The following TACC2 variants were observed in gnomAD, a reference collection of about 807,000 sequenced individuals.
The protein encoded by TACC2 is transforming acidic coiled-coil-containing protein 2.
Under a neutral mutation model 227.3 loss-of-function variants are expected in TACC2, and 137 were observed. That is an observed-to-expected ratio of 0.60 (90% CI 0.52 to 0.69). TACC2 has a LOEUF of 0.69. TACC2 is among the 30% of genes least tolerant of loss of function. TACC2 has a pLI of 0.00. For synonymous variants in TACC2, 1,523 were observed against 1,487.5 expected (o/e 1.02, Z -0.55); for missense variants, 3,470 against 3,694.4 (o/e 0.94, Z 1.57).
chr10:122,206,607 C>A (rs1362498629), intron 8 of TACC2, among the ~76,000 whole-genome samples: 1 of 152,340 alleles, frequency 6.6e-6, no homozygotes, highest in East Asian at 1.9e-4. Context: ...AAATAAATTT[C>A]TGTGGTTTAA....
At chr10:122,176,723 T>G (rs538688948) in intron 7 of TACC2, among the ~76,000 whole-genome samples, 22 of 152,332 alleles carry the variant, frequency 1.4e-4, no homozygotes, top group Non-Finnish European at 2.6e-4. Context: ...GATGGAAAAC[T>G]GGCTTCCTCC....
chr10:122,132,066 A>AAG (rs1555059146), intron 5 of TACC2, among the ~76,000 whole-genome samples: 15,517 of 58,054 alleles, frequency 0.27, 1,213 homozygotes, highest in Middle Eastern at 0.36. Context: ...GAAAGAAAGA[A>AAG]AAAGAAAGAA....
At chr10:122,126,195 A>G (rs1362918048) in intron 5 of TACC2, among the ~76,000 whole-genome samples, 3 of 152,320 alleles carry the variant, frequency 2.0e-5, no homozygotes, top group Admixed American at 1.3e-4. Flanking sequence ...TACATGGACT[A>G]ACTAGCTGGC....
At position 122,085,376 on chromosome 10, in the gene TACC2, C is replaced by T. The variant is rs1275823352; in HGVS notation, c.2876C>T (p.Ser959Leu). The T allele has an allele frequency of 4.3e-6, 7 of 1,613,962 alleles. No individual in the cohort carries two copies. The highest frequency in any genetic ancestry group is 5.9e-6 in the Non-Finnish European group (7 of 1,180,028). The change falls in exon 4 of 23, where the codon TCG (serine) becomes TTG (leucine). Residue 959 changes from serine (S) to leucine (L), a missense_variant. By Grantham distance (145) the Ser-to-Leu change is moderately radical. Transcript: ENST00000369005. Reference sequence around the variant, plus strand: ...GGAGCATGCGGTGATGGTCAGTCCTCGAGGGTCTCGCCTCCAGCAGCAGAT... The same window carrying T: ...GGAGCATGCGGTGATGGTCAGTCCTTGAGGGTCTCGCCTCCAGCAGCAGAT... ...PEGACGDGQSSRVSPPAADVL... is the reference protein window; with the variant it reads ...PEGACGDGQSLRVSPPAADVL...
intron 6 of TACC2, among the ~76,000 whole-genome samples, chr10:122,135,740 C>T (rs1343899412): frequency 2.0e-5 from 3 of 152,236 alleles, no homozygotes; most frequent in Non-Finnish European, 4.4e-5. Flanking sequence ...GTGGTCCTTT[C>T]TCAGTCATTT....
At chr10:122,066,226 G>GC (rs1383934753) in intron 3 of TACC2, among the ~76,000 whole-genome samples, 1 of 150,742 alleles carries the variant, frequency 6.6e-6, no homozygotes, top group African/African-American at 2.4e-5. Context: ...TCCTGCCTCA[G>GC]CCCCCCAAGT....
intron 3 of TACC2, among the ~76,000 whole-genome samples, chr10:122,077,427 C>G (rs758982000): frequency 6.6e-6 from 1 of 152,138 alleles, no homozygotes; most frequent in African/African-American, 2.4e-5. Context: ...GTGAAAGAAA[C>G]TGATCTGGGA....
Position 122,082,768 on chromosome 10 carries a change from C to A in TACC2, c.268C>A (p.Pro90Thr). Residue 90 changes from proline to threonine, a missense_variant, in exon 4 of 23, where the codon CCA (proline) becomes ACA (threonine). This residue lies in a region of TACC2 where 405 missense variants were observed against 389.6 expected (regional missense o/e 1.04). Transcript: ENST00000369005. ...GAAGGACCCACAGGGAGCCAGGGGG[C>A]CAGAAGGTTCTTTGCTGCCCAGCCC... ...PRKDPQGARG[P>T]EGSLLPSPPP... The A allele has an allele frequency of 6.2e-7, 1 of 1,613,898 alleles. No individual in the cohort carries two copies. Among genetic ancestry groups the A allele is most frequent in the East Asian group, 2.2e-5 (1 of 44,856 alleles).
intron 7 of TACC2, among the ~76,000 whole-genome samples, chr10:122,170,376 T>C (rs2093412455): frequency 6.7e-6 from 1 of 148,834 alleles, no homozygotes; most frequent in Admixed American, 6.8e-5. Context: ...GTTCAAGCGA[T>C]TCTCCTGCCT....
At chr10:122,033,202 T>C (rs1433824319) in intron 2 of TACC2, 2 of 1,214,140 alleles carry the variant, frequency 1.6e-6, no homozygotes, top group Non-Finnish European at 2.2e-6. Flanking sequence ...AGCCCCTTCC[T>C]AACGTCTAGA....
At chr10:122,005,442 T>C (rs1313349969) in intron 1 of TACC2, among the ~76,000 whole-genome samples, 3 of 147,456 alleles carry the variant, frequency 2.0e-5, no homozygotes, top group Non-Finnish European at 1.5e-5. Context: ...TGGAGTGCAG[T>C]GGCATGATCT....
Position 122,084,818 on chromosome 10 carries a change from A to G in TACC2, c.2318A>G (p.Glu773Gly), listed in dbSNP as rs149165465. The change falls in exon 4 of 23, where the codon GAA (glutamate) becomes GGA (glycine). Residue 773 changes from glutamate to glycine, a missense_variant. Glu to Gly is a moderately conservative substitution (Grantham distance 98, BLOSUM62 -2). Coordinates refer to ENST00000369005, the MANE Select transcript of TACC2 (RefSeq NM_206862.4). ...RGPACDASRQEFHAGVPHPPQ... is the reference protein window; with the variant it reads ...RGPACDASRQGFHAGVPHPPQ... Reference sequence around the variant, plus strand: ...CCGGCGTGTGATGCGTCGAGACAGGAATTTCATGCTGGGGTGCCACATCCC... The same window carrying G: ...CCGGCGTGTGATGCGTCGAGACAGGGATTTCATGCTGGGGTGCCACATCCC... 6.2e-7 allele frequency: 1 copy of G among 1,613,570 alleles called. No homozygotes were observed. Among genetic ancestry groups the G allele is most frequent in the African/African-American group, 1.3e-5 (1 of 74,912 alleles).
intron 8 of TACC2, among the ~76,000 whole-genome samples, chr10:122,203,524 G>GGTC (rs2140884793): frequency 6.6e-6 from 1 of 151,886 alleles, no homozygotes; most frequent in South Asian, 2.1e-4. Context: ...TCTCAGACGG[G>GGTC]GCGGCCGGGC....
At chr10:122,250,929 T>C (rs1295757703) in intron 22 of TACC2, among the ~76,000 whole-genome samples, 3 of 141,398 alleles carry the variant, frequency 2.1e-5, no homozygotes, top group Non-Finnish European at 3.1e-5. Context: ...TTTTTTTTTT[T>C]TTTTTTTTGA....
At position 122,180,844 on chromosome 10, in the gene TACC2, G is replaced by A. The variant is rs2140275506; in HGVS notation, c.5835-14196G>A. On this transcript the variant is annotated intron_variant, in intron 7 of 22. Transcript: ENST00000369005. This position sits in a 1 kb window ranked among gnomAD's most constrained non-coding sequence, Gnocchi z 4.5. ...AAACCTCTGCCTCCCAGGCTCAAGC[G>A]ATTCTCCTGCCTCAGCCTCTCCTGC... Among the ~76,000 whole-genome samples the A allele has an allele frequency of 6.6e-6, 1 of 151,796 alleles. No homozygotes were observed. Among genetic ancestry groups the A allele is most frequent in the East Asian group, 2.0e-4 (1 of 5,128 alleles).
intron 7 of TACC2, among the ~76,000 whole-genome samples, chr10:122,170,266 T>TTC (rs2093404768): frequency 1.5e-5 from 2 of 132,606 alleles, no homozygotes; most frequent in African/African-American, 3.0e-5. Context: ...ATCAAGTCTT[T>TTC]TTTTTTTTTT....
At chr10:122,052,695 A>AG (rs1554982074) in intron 3 of TACC2, 1 of 151,616 alleles carries the variant, frequency 6.6e-6, no homozygotes, top group Admixed American at 6.6e-5. Flanking sequence ...AAAAAAAAAA[A>AG]AAACAAACAG....
chr10:122,242,965 A>T (rs2096034188), intron 19 of TACC2, among the ~76,000 whole-genome samples: 2 of 151,292 alleles, frequency 1.3e-5, no homozygotes, highest in African/African-American at 2.5e-5. Context: ...TTGTTGTTTG[A>T]GACCGTCTCG....
intron 7 of TACC2, among the ~76,000 whole-genome samples, chr10:122,179,883 C>A (rs2093905595): frequency 6.6e-6 from 1 of 152,120 alleles, no homozygotes; most frequent in South Asian, 2.1e-4. Context: ...AGTTTGAGAC[C>A]AGCCTGGGTA....
Sources: allele counts gnomAD v4.1 joint callset (sites outside exome capture counted in the v4.1 genomes callset), GRCh38; gene constraint gnomAD v4.1.1; regional missense constraint gnomAD v4.1.1; non-coding constraint Gnocchi (gnomAD v3.1); transcripts MANE v1.5; gene names NCBI Gene and HGNC (gene_info 2026-07-23, HGNC 2026-07-21).